GPR39: variants seen among roughly 807,000 people sequenced by gnomAD.
GPR39 encodes G protein-coupled receptor 39.
In GPR39, 23 loss-of-function variants were observed where a neutral mutation model predicts 18.4. The ratio of observed to expected loss-of-function variants is 1.25; its 90% confidence interval spans 0.90 to 1.77. GPR39 has a LOEUF of 1.77. GPR39 is among the 40% of genes most tolerant of loss of function. The pLI is 0.00. For missense variants in GPR39, 647 were observed against 602.4 expected (o/e 1.07, Z -0.78); for synonymous variants, 280 against 257.9 (o/e 1.09, Z -0.82).
chr2:132,589,053 A>T (rs1680781132), intron 1 of GPR39, among the ~76,000 whole-genome samples: 1 of 152,334 alleles, frequency 6.6e-6, no homozygotes, highest in African/African-American at 2.4e-5. Context: ...TCATATTTTT[A>T]AAAACCCATC....
At chr2:132,599,023 G>C (rs181060920) in intron 1 of GPR39, among the ~76,000 whole-genome samples, 11 of 152,154 alleles carry the variant, frequency 7.2e-5, no homozygotes, top group South Asian at 2.1e-4. Context: ...AGGCAGGAAG[G>C]GGGTGGAGGT....
chr2:132,513,241 A>G (rs1260221557), intron 1 of GPR39, among the ~76,000 whole-genome samples: 1 of 152,236 alleles, frequency 6.6e-6, no homozygotes, highest in Non-Finnish European at 1.5e-5. Flanking sequence ...TTTCCACAGC[A>G]TTGCTCAAGA....
chr2:132,432,467 T>C (rs937409049), intron 1 of GPR39, among the ~76,000 whole-genome samples: 2 of 152,184 alleles, frequency 1.3e-5, no homozygotes, highest in African/African-American at 4.8e-5. Flanking sequence ...CCTCTGTGTG[T>C]GTCAAATCTC....
intron 1 of GPR39, among the ~76,000 whole-genome samples, chr2:132,572,587 G>A (rs988636711): frequency 2.0e-5 from 3 of 151,730 alleles, no homozygotes; most frequent in Non-Finnish European, 4.4e-5. Context: ...AAGAGAGGAG[G>A]CATTTGTTGA....
intron 1 of GPR39, among the ~76,000 whole-genome samples, chr2:132,504,612 C>T (rs1051853388): frequency 6.6e-6 from 1 of 152,168 alleles, no homozygotes; most frequent in Non-Finnish European, 1.5e-5. Flanking sequence ...AGACTTTCCT[C>T]AGACTGACTT....
chr2:132,559,885 G>T (rs574879579), intron 1 of GPR39, among the ~76,000 whole-genome samples: 1 of 152,082 alleles, frequency 6.6e-6, no homozygotes, highest in Non-Finnish European at 1.5e-5. Flanking sequence ...ATGCCATGCT[G>T]CTGCCTTTAG....
In GPR39 at chr2:132,645,635, A is replaced by G. The variant is rs1313396204; in HGVS notation, c.*29A>G. The G allele has an allele frequency of 2.5e-6, 4 of 1,590,832 alleles. No individual in the cohort carries two copies. The highest frequency in any genetic ancestry group is 4.5e-5 in the East Asian group (2 of 44,692). On this transcript the variant is annotated 3_prime_UTR_variant, in exon 2 of 2. Transcript: ENST00000329321. ...TCAAGCGAGGGAGCCTTGAGTGGGAACTGGCCCTCCAGCCCTAAGAAAACG... is the reference window on the plus strand; with the variant it reads ...TCAAGCGAGGGAGCCTTGAGTGGGAGCTGGCCCTCCAGCCCTAAGAAAACG...
chr2:132,626,166 C>T (rs1681542146), intron 1 of GPR39, among the ~76,000 whole-genome samples: 1 of 152,032 alleles, frequency 6.6e-6, no homozygotes, highest in African/African-American at 2.4e-5. Flanking sequence ...CAAGGTGACA[C>T]TGCTGGTTAG....
intron 1 of GPR39, among the ~76,000 whole-genome samples, chr2:132,634,056 G>A (rs1297505678): frequency 6.6e-6 from 1 of 151,862 alleles, no homozygotes; most frequent in Admixed American, 6.6e-5. Flanking sequence ...GATGATGGTG[G>A]GGGTGGCAGT....
intron 1 of GPR39, among the ~76,000 whole-genome samples, chr2:132,483,696 A>C (rs566601353): frequency 6.6e-6 from 1 of 152,322 alleles, no homozygotes; most frequent in Admixed American, 6.5e-5. Context: ...CCTATGGGAC[A>C]TCACAAAATC....
At chr2:132,476,502 G>C (rs1052642813) in intron 1 of GPR39, among the ~76,000 whole-genome samples, 5 of 151,644 alleles carry the variant, frequency 3.3e-5, no homozygotes, top group African/African-American at 1.2e-4. Context: ...TGGGCGTGGT[G>C]GTGGGTGCCT....
intron 1 of GPR39, among the ~76,000 whole-genome samples, chr2:132,434,379 C>T (rs1176869737): frequency 1.3e-5 from 2 of 152,152 alleles, no homozygotes; most frequent in Non-Finnish European, 2.9e-5. Flanking sequence ...ACAATAAGAA[C>T]ACTTTTTCTG....
chr2:132,600,865 G>C (rs1180766861), intron 1 of GPR39, among the ~76,000 whole-genome samples: 1 of 151,976 alleles, frequency 6.6e-6, no homozygotes, highest in African/African-American at 2.4e-5. Flanking sequence ...CAGTAGTGAA[G>C]TCTGGGCTTT....
intron 1 of GPR39, chr2:132,605,029 G>A (rs1197865106): frequency 6.6e-6 from 1 of 152,190 alleles, no homozygotes; most frequent in Non-Finnish European, 1.5e-5. Context: ...ATGTGATATA[G>A]GTACTGTTTG....
rs151040165 is a variant in GPR39, at chr2:132,625,530, G to A, written c.857-19571G>A. Among the ~76,000 whole-genome samples the A allele has an allele frequency of 1.4e-3, 208 of 152,198 alleles. 1 individual carries two copies. Among genetic ancestry groups the A allele is most frequent in the African/African-American group, 4.9e-3 (202 of 41,532 alleles). On this transcript the variant is annotated intron_variant, in intron 1 of 1. Coordinates refer to ENST00000329321, the MANE Select transcript of GPR39 (RefSeq NM_001508.3). ...GGCACATAGTGCATTCCAGTTTTACGAAGATTTAAAGAGACAAATTTGGAA... is the reference window on the plus strand; with the variant it reads ...GGCACATAGTGCATTCCAGTTTTACAAAGATTTAAAGAGACAAATTTGGAA...
intron 1 of GPR39, among the ~76,000 whole-genome samples, chr2:132,530,075 A>T (rs914139730): frequency 6.6e-6 from 1 of 152,140 alleles, no homozygotes; most frequent in Non-Finnish European, 1.5e-5. Context: ...AGGAAGTTCG[A>T]ACCAATGGCA....
intron 1 of GPR39, among the ~76,000 whole-genome samples, chr2:132,477,748 G>A (rs1438849213): frequency 2.6e-5 from 4 of 152,202 alleles, no homozygotes; most frequent in African/African-American, 7.2e-5. Flanking sequence ...TCTGTGGCAT[G>A]TTACAGACCC....
At chr2:132,424,184 G>A (rs546619344) in intron 1 of GPR39, among the ~76,000 whole-genome samples, 8 of 152,216 alleles carry the variant, frequency 5.3e-5, no homozygotes, top group African/African-American at 1.9e-4. Flanking sequence ...AAGTGACTAG[G>A]GTGGTGAATG....
chr2:132,484,910 A>G (rs1681301641), intron 1 of GPR39, among the ~76,000 whole-genome samples: 1 of 152,200 alleles, frequency 6.6e-6, no homozygotes, highest in South Asian at 2.1e-4. Context: ...CTCTGGAGGA[A>G]CTCACTTGTA....
Sources: allele counts gnomAD v4.1 joint callset (sites outside exome capture counted in the v4.1 genomes callset), GRCh38; gene constraint gnomAD v4.1.1; transcripts MANE v1.5; gene names NCBI Gene and HGNC (gene_info 2026-07-23, HGNC 2026-07-21).